COL24A1: variants seen among roughly 807,000 people sequenced by gnomAD.
COL24A1 encodes collagen alpha-1(XXIV) chain.
A neutral mutation model predicts 253.9 loss-of-function variants in COL24A1; 224 were observed. The observed-to-expected ratio is 0.88, with a 90% confidence interval of 0.79 to 0.99. COL24A1 has a LOEUF of 0.99. Among genes scored for constraint, COL24A1 ranks in the 50% least tolerant of loss-of-function variants. COL24A1 has a pLI of 0.00. For missense variants in COL24A1, 2,131 were observed against 2,068.5 expected, an observed-to-expected ratio of 1.03 and a Z score of -0.59; for synonymous variants, 685 against 673.7, an observed-to-expected ratio of 1.02 and a Z score of -0.26.
intron 7 of COL24A1, among the ~76,000 whole-genome samples, chr1:86,069,372 TG>T (rs976256997): frequency 8.5e-5 from 13 of 152,096 alleles, no homozygotes; most frequent in African/African-American, 2.9e-4. Context: ...CTCATCTGCC[TG>T]GGGAAATTGC....
chr1:85,907,112 A>T, intron 28 of COL24A1, 82 bp downstream of exon 28: 1 of 1,085,294 alleles, frequency 9.2e-7, no homozygotes, highest in Non-Finnish European at 1.4e-6. Flanking sequence ...AGAAGGTATG[A>T]TGCTATTTTT....
At chr1:85,754,386 G>C (rs1665954492) in intron 55 of COL24A1, among the ~76,000 whole-genome samples, 2 of 81,532 alleles carry the variant, frequency 2.5e-5, no homozygotes, top group Non-Finnish European at 4.9e-5. Flanking sequence ...GGGGACTGTG[G>C]TGGGGTCGGG....
intron 24 of COL24A1, among the ~76,000 whole-genome samples, chr1:85,922,489 C>A (rs1280885322): frequency 1.3e-5 from 2 of 152,148 alleles, no homozygotes; most frequent in African/African-American, 4.8e-5. Flanking sequence ...ACTCTATAAG[C>A]CAGAAGAGAG....
chr1:86,142,532 A>C (rs558948716), intron 2 of COL24A1, among the ~76,000 whole-genome samples: 15 of 149,390 alleles, frequency 1.0e-4, no homozygotes, highest in African/African-American at 2.9e-4. Context: ...CAAAAAAAAA[A>C]ACAAAAAACA....
At position 85,932,572 on chromosome 1, in the gene COL24A1, C is replaced by G. The variant is rs1335231059; in HGVS notation, c.2563-21139G>C. Among the ~76,000 whole-genome samples the G allele has an allele frequency of 4.9e-4, 47 of 95,894 alleles. 1 individual carries two copies. Among genetic ancestry groups the G allele is most frequent in the Admixed American group, 8.5e-4 (7 of 8,214 alleles). 62.9% of individuals were successfully genotyped at this position (95,894 alleles called of 152,430 possible). ...GAACTAGAAATACCATTTGACCCAG[C>G]CATCCCATTACTGGGTATATACCCA... On this transcript the variant is annotated intron_variant, in intron 24 of 59. Coordinates refer to ENST00000370571, the MANE Select transcript of COL24A1 (RefSeq NM_152890.7).
intron 19 of COL24A1, among the ~76,000 whole-genome samples, chr1:86,005,370 TAA>T (rs1173733115): frequency 1.5e-5 from 2 of 136,438 alleles, no homozygotes. Context: ...CTCCATAAAG[TAA>T]AAAAAAAAAA....
In COL24A1 at chr1:85,842,392, C is replaced by T. The variant is rs772059436; in HGVS notation, c.3464G>A (p.Gly1155Glu). 1 of 1,593,512 alleles carries T rather than the reference C, an allele frequency of 6.3e-7. No individual in the cohort carries two copies. Among genetic ancestry groups the T allele is most frequent in the South Asian group, 1.1e-5 (1 of 88,384 alleles). The change falls in exon 40 of 60, where the codon GGA becomes GAA. Residue 1155 changes from glycine (G) to glutamate (E), a missense_variant and splice_region_variant. Physicochemically the swap from Gly to Glu is moderately conservative, Grantham distance 98. Coordinates refer to ENST00000370571, the MANE Select transcript of COL24A1 (RefSeq NM_152890.7). Reference sequence around the variant, plus strand: ...ATCAGGTCCCATCAATCCTAAATGTCCCTGAAAAACAAAGTAAATATTAGT... The same window carrying T: ...ATCAGGTCCCATCAATCCTAAATGTTCCTGAAAAACAAAGTAAATATTAGT... ...KGARGTRGAV[G>E]HLGLMGPDGE...
At chr1:85,746,746 G>A (rs1019211291) in intron 55 of COL24A1, among the ~76,000 whole-genome samples, 2 of 152,166 alleles carry the variant, frequency 1.3e-5, no homozygotes, top group East Asian at 1.9e-4. Flanking sequence ...CAGCAACCTG[G>A]CACAAAGGCC....
rs551443780 is a variant in COL24A1, at chr1:85,888,318, GC to G, written c.2976+1241del. Among the ~76,000 whole-genome samples, 405 of 152,112 alleles carry G rather than the reference GC, an allele frequency of 2.7e-3. 1 individual carries two copies. The highest frequency in any genetic ancestry group is 8.2e-3 in the African/African-American group (340 of 41,532). ...ACTAAATAATCTGATAATAAAGCTAGCCCGAGCCCTTTAATAACATCCTTTG... is the reference window on the plus strand; with the variant it reads ...ACTAAATAATCTGATAATAAAGCTAGCCGAGCCCTTTAATAACATCCTTTG... On this transcript the variant is annotated intron_variant, in intron 32 of 59. Coordinates refer to ENST00000370571, the MANE Select transcript of COL24A1 (RefSeq NM_152890.7).
intron 35 of COL24A1, among the ~76,000 whole-genome samples, chr1:85,873,460 T>G (rs926482856): frequency 6.6e-6 from 1 of 152,180 alleles, no homozygotes; most frequent in Admixed American, 6.5e-5. Context: ...AATGATAGAC[T>G]GGATTAAGAA....
At chr1:85,879,022 C>G (rs911750623) in intron 32 of COL24A1, among the ~76,000 whole-genome samples, 4 of 151,982 alleles carry the variant, frequency 2.6e-5, no homozygotes, top group African/African-American at 9.7e-5. Context: ...TTCTCCCAGT[C>G]TGTGGACTGT....
At chr1:85,860,336 C>T (rs1008501625) in intron 37 of COL24A1, among the ~76,000 whole-genome samples, 1 of 152,148 alleles carries the variant, frequency 6.6e-6, no homozygotes, top group African/African-American at 2.4e-5. Context: ...CCCAAAATCT[C>T]ATTATCATAA....
In COL24A1 at chr1:86,156,356, G is replaced by A; in HGVS notation, c.41C>T (p.Ser14Phe). 1 of 1,612,886 alleles carries A rather than the reference G, an allele frequency of 6.2e-7. No individual in the cohort carries two copies. Residue 14 changes from serine (S) to phenylalanine (F), a missense_variant, in exon 1 of 60, where the codon TCC (serine) becomes TTC (phenylalanine). By Grantham distance (155) the Ser-to-Phe change is radical (BLOSUM62 -2). Coordinates refer to ENST00000370571, the MANE Select transcript of COL24A1 (RefSeq NM_152890.7). ...RAHRTRRGKV[S>F]PTAKTKSLLH... ...GGCTACTTACGTTTTTGCCGTGGGG[G>A]AGACTTTTCCACGCCTTGTTCTGTG...
chr1:85,868,549 G>A lies in COL24A1; in HGVS notation c.3270C>T (p.Pro1090=). ...GGCCTGTTTGGCCTGATCTACCCAAGGGTCCTATAATTCCTGGTAAGCCCA... is the reference window on the plus strand; with the variant it reads ...GGCCTGTTTGGCCTGATCTACCCAAAGGTCCTATAATTCCTGGTAAGCCCA... The part of the protein sequence containing the change: ...GEMGLPGIIG[P]LGRSGQTGLP... Residue 1090 remains proline (P), a synonymous_variant, in exon 37 of 60, where the codon CCC becomes CCT. Coordinates refer to ENST00000370571, the MANE Select transcript of COL24A1 (RefSeq NM_152890.7). The A allele has an allele frequency of 6.2e-7, 1 of 1,613,804 alleles. No individual in the cohort carries two copies. Among genetic ancestry groups the A allele is most frequent in the African/African-American group, 1.3e-5 (1 of 75,012 alleles).
At chr1:86,031,268 TA>T (rs1698545003) in intron 14 of COL24A1, among the ~76,000 whole-genome samples, 3 of 151,892 alleles carry the variant, frequency 2.0e-5, no homozygotes, top group Non-Finnish European at 4.4e-5. Flanking sequence ...GTGGGGGTTA[TA>T]AAAGGTATGA....
At chr1:85,745,934 TCAC>T (rs1213849618) in intron 55 of COL24A1, among the ~76,000 whole-genome samples, 1 of 152,228 alleles carries the variant, frequency 6.6e-6, no homozygotes, top group Non-Finnish European at 1.5e-5. Flanking sequence ...CCTGAGGTAG[TCAC>T]CACATTAATT....
intron 38 of COL24A1, among the ~76,000 whole-genome samples, chr1:85,848,898 AAAT>A (rs1206008694): frequency 6.6e-6 from 1 of 152,226 alleles, no homozygotes; most frequent in African/African-American, 2.4e-5. Context: ...TAAAGTAAGC[AAAT>A]AAAAATATTC....
At chr1:86,041,434 T>C (rs1280060878) in intron 12 of COL24A1, among the ~76,000 whole-genome samples, 2 of 152,076 alleles carry the variant, frequency 1.3e-5, no homozygotes, top group African/African-American at 4.8e-5. Context: ...TGTGGAGCCA[T>C]ATAAATTTGC....
At chr1:86,057,147 G>A (rs994323869) in intron 10 of COL24A1, among the ~76,000 whole-genome samples, 1 of 152,092 alleles carries the variant, frequency 6.6e-6, no homozygotes, top group Non-Finnish European at 1.5e-5. Flanking sequence ...TTGGTGACAA[G>A]TGAGTTCTCA....
Sources: gnomAD v4.1 joint callset for allele counts (sites outside exome capture counted in the v4.1 genomes callset) on GRCh38, gnomAD v4.1.1 for gene constraint, MANE v1.5 for transcripts, NCBI Gene and HGNC (gene_info 2026-07-23, HGNC 2026-07-21) for gene names.